The following ARHGAP12 variants were observed in gnomAD, a reference collection of about 807,000 sequenced individuals.
The protein encoded by ARHGAP12 is Rho GTPase activating protein 12.
In ARHGAP12, 64 loss-of-function variants were observed where a neutral mutation model predicts 108.6. The ratio of observed to expected loss-of-function variants is 0.59; its 90% CI spans 0.48 to 0.73. ARHGAP12 has a LOEUF of 0.73. Among genes scored for constraint, ARHGAP12 ranks in the 30% least tolerant of loss-of-function variants. The probability of loss-of-function intolerance (pLI) is 0.00; values close to 1 mark genes in which losing one functional copy is unlikely to be tolerated. For missense variants in ARHGAP12, 940 were observed against 1,005.9 expected (o/e 0.93, Z 0.89); for synonymous variants, 312 against 337.2 (o/e 0.93, Z 0.82).
At chr10:31,822,915 A>AT (rs1259578763) in intron 11 of ARHGAP12, among the ~76,000 whole-genome samples, 2 of 152,150 alleles carry the variant, frequency 1.3e-5, no homozygotes, top group Admixed American at 6.6e-5. Flanking sequence ...CCTACCACGC[A>AT]AAGGACAGCC....
At chr10:31,871,830 TAG>T (rs1396709482) in intron 3 of ARHGAP12, among the ~76,000 whole-genome samples, 1 of 152,138 alleles carries the variant, frequency 6.6e-6, no homozygotes, top group African/African-American at 2.4e-5. Context: ...AACCAGCACA[TAG>T]AGAGTCATGG....
intron 16 of ARHGAP12, among the ~76,000 whole-genome samples, chr10:31,810,038 A>G (rs1834957839): frequency 6.6e-6 from 1 of 152,170 alleles, no homozygotes; most frequent in African/African-American, 2.4e-5. Flanking sequence ...AGAAATTACA[A>G]ATTGAATTAT....
At chr10:31,904,629 T>C (rs1046067523) in intron 3 of ARHGAP12, among the ~76,000 whole-genome samples, 7 of 151,830 alleles carry the variant, frequency 4.6e-5, no homozygotes, top group Admixed American at 1.3e-4. Flanking sequence ...CCTGTCCAAA[T>C]TATTATTATT....
At chr10:31,817,364 A>T (rs1835242623) in intron 13 of ARHGAP12, among the ~76,000 whole-genome samples, 1 of 152,208 alleles carries the variant, frequency 6.6e-6, no homozygotes, top group African/African-American at 2.4e-5. Flanking sequence ...GAGGCGGAAA[A>T]ACTAGAGAAC....
At chr10:31,845,054 G>T (rs1836401457) in intron 6 of ARHGAP12, among the ~76,000 whole-genome samples, 1 of 152,078 alleles carries the variant, frequency 6.6e-6, no homozygotes, top group Non-Finnish European at 1.5e-5. Flanking sequence ...CCTTTATTCT[G>T]CTCTGAAAAT....
Position 31,878,208 on chromosome 10 carries a change from A to AGC in ARHGAP12, c.685-16551_685-16550insGC, listed in dbSNP as rs74721090. ...CTTTTAAAAAGAAGTTGGAAAACAG[A>AGC]ATAAGTTGAAAAAGAAAGCAGAAAT... On this transcript the variant is annotated intron_variant, in intron 3 of 19. Transcript: ENST00000344936. 6.7e-4 allele frequency among the ~76,000 whole-genome samples: 102 copies of AGC among 152,134 alleles called. No individual in the cohort carries two copies. In the East Asian group the frequency reaches 0.019, roughly 29 times the overall value.
chr10:31,811,542 C>G (rs1592240563), intron 15 of ARHGAP12, among the ~76,000 whole-genome samples: 1 of 136,004 alleles, frequency 7.4e-6, no homozygotes, highest in Admixed American at 7.3e-5. Flanking sequence ...ATTTGCCAGG[C>G]TTTTTTTTTT....
At chr10:31,871,994 C>T (rs568672681) in intron 3 of ARHGAP12, among the ~76,000 whole-genome samples, 1 of 152,296 alleles carries the variant, frequency 6.6e-6, no homozygotes, top group South Asian at 2.1e-4. Flanking sequence ...TACTTCTCTA[C>T]AGCTCATCAT....
chr10:31,832,659 G>A (rs73253337), intron 9 of ARHGAP12, among the ~76,000 whole-genome samples: 7,694 of 152,040 alleles, frequency 0.051, 651 homozygotes, highest in African/African-American at 0.17. Flanking sequence ...TCATACACAC[G>A]CACTCTCTCT....
chr10:31,841,465 A>G (rs1836263434), intron 7 of ARHGAP12, among the ~76,000 whole-genome samples: 1 of 152,152 alleles, frequency 6.6e-6, no homozygotes, highest in South Asian at 2.1e-4. Context: ...TGGGCTAACA[A>G]TATTCAATAT....
At chr10:31,886,907 A>G (rs1838209756) in intron 3 of ARHGAP12, among the ~76,000 whole-genome samples, 1 of 152,206 alleles carries the variant, frequency 6.6e-6, no homozygotes, top group Admixed American at 6.5e-5. Context: ...AAAGAATTTT[A>G]CACATGATCT....
At chr10:31,884,370 T>C (rs552859571) in intron 3 of ARHGAP12, among the ~76,000 whole-genome samples, 2 of 152,222 alleles carry the variant, frequency 1.3e-5, no homozygotes, top group South Asian at 4.1e-4. Flanking sequence ...ATCTCTTTAT[T>C]GCCTGGATTC....
At chr10:31,903,196 A>G (rs1838998375) in intron 3 of ARHGAP12, among the ~76,000 whole-genome samples, 1 of 152,194 alleles carries the variant, frequency 6.6e-6, no homozygotes, top group Non-Finnish European at 1.5e-5. Flanking sequence ...CCTACTACAC[A>G]CCTAAGTTAG....
intron 3 of ARHGAP12, among the ~76,000 whole-genome samples, chr10:31,868,417 C>T (rs1837414018): frequency 6.6e-6 from 1 of 151,924 alleles, no homozygotes. Flanking sequence ...GAATGATCAC[C>T]TTTAGAGTTT....
In ARHGAP12 at chr10:31,908,664, C is replaced by T. The variant is rs183884799; in HGVS notation, c.192G>A (p.Val64=). 7.6e-5 allele frequency: 123 copies of T among 1,614,100 alleles called. No individual in the cohort carries two copies. In the East Asian group the frequency reaches 2.7e-3, roughly 35 times the overall value. Reference sequence around the variant, plus strand: ...TGACCTCCTTCACATACTGGGCTGGCACATAAAACGCTTTGGAGTTTTCAT... The same window carrying T: ...TGACCTCCTTCACATACTGGGCTGGTACATAAAACGCTTTGGAGTTTTCAT... ...KPDENSKAFY[V]PAQYVKEVTR... The change falls in exon 3 of 20, where the codon GTG becomes GTA. Residue 64 remains valine (V), a synonymous_variant. Transcript: ENST00000344936.
intron 3 of ARHGAP12, among the ~76,000 whole-genome samples, chr10:31,894,115 T>C (rs1040232544): frequency 1.3e-5 from 2 of 152,146 alleles, no homozygotes; most frequent in African/African-American, 4.8e-5. Context: ...ATAAGAGCTA[T>C]CTATGACAAA....
chr10:31,817,519 C>T (rs995431313), intron 13 of ARHGAP12, among the ~76,000 whole-genome samples: 2 of 152,112 alleles, frequency 1.3e-5, no homozygotes, highest in Non-Finnish European at 2.9e-5. Flanking sequence ...ACCATTTACC[C>T]CTTCTTTTTG....
intron 3 of ARHGAP12, among the ~76,000 whole-genome samples, chr10:31,874,805 C>G (rs113646898): frequency 0.091 from 13,740 of 151,684 alleles, 760 homozygotes; most frequent in Middle Eastern, 0.14. Flanking sequence ...GAACCCTCAT[C>G]TCTACTAAAA....
chr10:31,923,132 GAAAAA>G (rs58930834), intron 1 of ARHGAP12, among the ~76,000 whole-genome samples: 7 of 83,226 alleles, frequency 8.4e-5, no homozygotes, highest in African/African-American at 2.8e-4. Flanking sequence ...ACCCTAACAG[GAAAAA>G]AAAAAAAAAA....
Sources: allele counts gnomAD v4.1 joint callset (sites outside exome capture counted in the v4.1 genomes callset), GRCh38; gene constraint gnomAD v4.1.1; transcripts MANE v1.5; gene names NCBI Gene and HGNC (gene_info 2026-07-23, HGNC 2026-07-21).